RUNX1: variants seen among roughly 807,000 people sequenced by gnomAD.
The protein encoded by RUNX1 is RUNX family transcription factor 1, also known as runt-related transcription factor 1.
Under a neutral mutation model 42.8 loss-of-function variants are expected in RUNX1, and 19 were observed. The observed-to-expected ratio is 0.44, with a 90% CI of 0.31 to 0.65. RUNX1 has a LOEUF of 0.65. Ranked by LOEUF, RUNX1 falls within the 30% of genes least tolerant of loss-of-function variation. RUNX1 has a pLI of 0.07. For missense variants in RUNX1, 528 were observed against 672.0 expected, an observed-to-expected ratio of 0.79 and a Z score of 2.37; for synonymous variants, 271 against 289.4, an observed-to-expected ratio of 0.94 and a Z score of 0.64.
chr21:34,799,260 C>G, intron 8 of RUNX1, 41 bp downstream of exon 8: 6 of 1,611,546 alleles, frequency 3.7e-6, no homozygotes, highest in Non-Finnish European at 5.1e-6. Flanking sequence ...GGACCTTCCA[C>G]CCCAGCTCAG....
intron 2 of RUNX1, among the ~76,000 whole-genome samples, chr21:34,910,507 T>G (rs966650376): frequency 6.6e-6 from 1 of 152,138 alleles, no homozygotes; most frequent in Non-Finnish European, 1.5e-5. Flanking sequence ...CCACTGTCGG[T>G]TGCCCTTTGT....
chr21:34,879,222 C>T (rs1371924373), intron 5 of RUNX1, among the ~76,000 whole-genome samples: 1 of 152,170 alleles, frequency 6.6e-6, no homozygotes, highest in African/African-American at 2.4e-5. Flanking sequence ...AACAAGTGAA[C>T]CCATTTAATG....
intron 4 of RUNX1, 146 bp from the exon 5 acceptor site, chr21:34,880,859 C>G: frequency 1.2e-6 from 1 of 839,118 alleles, no homozygotes; most frequent in Non-Finnish European, 1.9e-6. Flanking sequence ...ATAACTTAAG[C>G]AAAACAACAG....
chr21:34,993,644 G>T (rs1278522514), intron 2 of RUNX1, among the ~76,000 whole-genome samples: 1 of 34,104 alleles, frequency 2.9e-5, no homozygotes, highest in East Asian at 7.0e-4. Context: ...GACACACACA[G>T]GCACACACAC....
chr21:34,828,092 A>G (rs924269147), intron 7 of RUNX1, among the ~76,000 whole-genome samples: 10 of 152,234 alleles, frequency 6.6e-5, no homozygotes, highest in African/African-American at 2.4e-4. Flanking sequence ...CAAGACTTCA[A>G]CGTGAGAGAG....
intron 7 of RUNX1, among the ~76,000 whole-genome samples, chr21:34,816,201 T>C (rs962361578): frequency 1.3e-5 from 2 of 152,248 alleles, no homozygotes; most frequent in African/African-American, 4.8e-5. Flanking sequence ...CAAACAGTTT[T>C]GACTTGCTGT....
chr21:34,897,975 T>C (rs2058143927), intron 2 of RUNX1, among the ~76,000 whole-genome samples: 1 of 152,152 alleles, frequency 6.6e-6, no homozygotes, highest in African/African-American at 2.4e-5. Context: ...CAGGAGACCA[T>C]TACAAACACA....
chr21:35,036,591 C>A (rs374353975), intron 2 of RUNX1, among the ~76,000 whole-genome samples: 41 of 151,778 alleles, frequency 2.7e-4, no homozygotes, highest in African/African-American at 8.2e-4. Flanking sequence ...GGGAAAAAAA[C>A]CCCAACTTCT....
intron 2 of RUNX1, among the ~76,000 whole-genome samples, chr21:34,982,045 T>C (rs2058850219): frequency 6.6e-6 from 1 of 152,194 alleles, no homozygotes; most frequent in Non-Finnish European, 1.5e-5. Context: ...CATTCGTTAG[T>C]ACATGCCAAT....
intron 4 of RUNX1, among the ~76,000 whole-genome samples, 173 bp from the exon 5 acceptor site, chr21:34,880,886 A>T (rs1333539968): frequency 2.0e-5 from 3 of 152,256 alleles, no homozygotes; most frequent in Non-Finnish European, 1.5e-5. Context: ...TATAAAGAGA[A>T]GACACTTTTT....
chr21:34,974,157 T>G (rs751966461), intron 2 of RUNX1, among the ~76,000 whole-genome samples: 1 of 152,148 alleles, frequency 6.6e-6, no homozygotes, highest in Non-Finnish European at 1.5e-5. Flanking sequence ...TGATTGTACT[T>G]CTTCTTGATA....
chr21:34,831,357 A>T (rs549188204), intron 7 of RUNX1, among the ~76,000 whole-genome samples: 74 of 152,288 alleles, frequency 4.9e-4, no homozygotes, highest in Middle Eastern at 3.4e-3. Context: ...GCCCCCTCTC[A>T]ATCTGTACCG....
chr21:35,026,087 G>A (rs1291034797), intron 2 of RUNX1, among the ~76,000 whole-genome samples: 5 of 152,146 alleles, frequency 3.3e-5, no homozygotes, highest in Non-Finnish European at 5.9e-5. Context: ...ACCCCAACAG[G>A]CATCATCTTC....
At chr21:35,044,075 A>T (rs1351108623) in intron 2 of RUNX1, among the ~76,000 whole-genome samples, 1 of 152,236 alleles carries the variant, frequency 6.6e-6, no homozygotes, top group African/African-American at 2.4e-5. Flanking sequence ...AAAACTTGTT[A>T]AGTTGAATTT....
intron 3 of RUNX1, chr21:34,889,661 C>G: frequency 3.5e-6 from 4 of 1,131,074 alleles, no homozygotes; most frequent in Non-Finnish European, 4.4e-6. Context: ...CGAGCGGCCC[C>G]AGGTGCGGAA....
chr21:34,898,914 CTTTTTA>C (rs1386284617), intron 2 of RUNX1, among the ~76,000 whole-genome samples: 1 of 151,948 alleles, frequency 6.6e-6, no homozygotes, highest in Non-Finnish European at 1.5e-5. Flanking sequence ...TCAGATAGAA[CTTTTTA>C]TTTTTATTTT....
At chr21:34,895,758 T>C (rs2058125182) in intron 2 of RUNX1, among the ~76,000 whole-genome samples, 1 of 151,762 alleles carries the variant, frequency 6.6e-6, no homozygotes, top group South Asian at 2.1e-4. Context: ...TACATAGACG[T>C]AGATAGGTCA....
chr21:35,031,952 C>A (rs1206943561), intron 2 of RUNX1, among the ~76,000 whole-genome samples: 2 of 152,192 alleles, frequency 1.3e-5, no homozygotes, highest in South Asian at 4.1e-4. Context: ...AAAGAATGAA[C>A]CTCAACACAG....
intron 2 of RUNX1, among the ~76,000 whole-genome samples, chr21:34,984,910 G>A (rs945533286): frequency 2.0e-5 from 3 of 152,224 alleles, no homozygotes; most frequent in Admixed American, 1.3e-4. Flanking sequence ...GGGGTGACAG[G>A]ATCTTCCCAG....
Sources: gnomAD v4.1 joint callset for allele counts (sites outside exome capture counted in the v4.1 genomes callset) on GRCh38, gnomAD v4.1.1 for gene constraint, MANE v1.5 for transcripts, NCBI Gene and HGNC (gene_info 2026-07-23, HGNC 2026-07-21) for gene names.